KSR2: variants seen among roughly 807,000 people sequenced by gnomAD.
The protein encoded by KSR2 is kinase suppressor of ras 2.
KSR2 carries 25 observed loss-of-function variants against 107.8 expected under a neutral mutation model. The observed-to-expected ratio is 0.23, with a 90% CI of 0.17 to 0.32. The LOEUF is 0.32. Among genes scored for constraint, KSR2 ranks in the 10% least tolerant of loss-of-function variants. The pLI, the probability that KSR2 is intolerant of heterozygous loss-of-function variation, is 1.00. For synonymous variants in KSR2, 480 were observed against 507.0 expected, an observed-to-expected ratio of 0.95 and a Z score of 0.71; for missense variants, 887 against 1,268.9, an observed-to-expected ratio of 0.70 and a Z score of 4.57.
chr12:117,959,965 A>C (rs1157894595), intron 1 of KSR2, among the ~76,000 whole-genome samples: 1 of 151,078 alleles, frequency 6.6e-6, no homozygotes, highest in African/African-American at 2.4e-5. Context: ...CAAGTACCTT[A>C]GCGTCTTAGC....
intron 1 of KSR2, among the ~76,000 whole-genome samples, chr12:117,872,872 C>T (rs934418183): frequency 2.6e-5 from 4 of 152,176 alleles, no homozygotes; most frequent in African/African-American, 9.7e-5. Flanking sequence ...GTACAATAGG[C>T]TCATTTTCCA....
chr12:117,607,967 G>C (rs2136309252), intron 5 of KSR2, among the ~76,000 whole-genome samples: 1 of 152,326 alleles, frequency 6.6e-6, no homozygotes, highest in South Asian at 2.1e-4. Flanking sequence ...CAGCACTGCA[G>C]CCCGGCCAAC....
intron 5 of KSR2, among the ~76,000 whole-genome samples, chr12:117,660,675 C>T (rs113573638): frequency 1.1e-4 from 17 of 152,212 alleles, no homozygotes; most frequent in East Asian, 3.9e-4. Flanking sequence ...ATGACAAGGC[C>T]GAATCTACCT....
intron 1 of KSR2, among the ~76,000 whole-genome samples, chr12:117,916,357 G>A (rs982515882): frequency 3.3e-5 from 5 of 151,714 alleles, no homozygotes; most frequent in African/African-American, 9.7e-5. Flanking sequence ...GGCTGGTCTC[G>A]AACTCCCAAC....
chr12:117,755,559 C>G (rs745399876), intron 4 of KSR2, among the ~76,000 whole-genome samples: 24 of 152,190 alleles, frequency 1.6e-4, no homozygotes, highest in Admixed American at 7.9e-4. Flanking sequence ...GACTGCTCCA[C>G]TAACAGGCTA....
chr12:117,681,533 G>A (rs548425919), intron 4 of KSR2, among the ~76,000 whole-genome samples: 2 of 152,304 alleles, frequency 1.3e-5, no homozygotes, highest in East Asian at 1.9e-4. Context: ...GAGGGGCAGA[G>A]GTGAAGTCGG....
chr12:117,488,256 C>G (rs547497063), intron 14 of KSR2, among the ~76,000 whole-genome samples: 2 of 152,250 alleles, frequency 1.3e-5, no homozygotes, highest in East Asian at 3.9e-4. Flanking sequence ...TTATTAGCAG[C>G]GTGAAAACGG....
At chr12:117,591,454 C>T (rs527998953) in intron 5 of KSR2, among the ~76,000 whole-genome samples, 2 of 152,096 alleles carry the variant, frequency 1.3e-5, no homozygotes, top group South Asian at 4.2e-4. Context: ...CTCTAAGTTA[C>T]AATTGGAGGC....
At chr12:117,908,897 T>C (rs1429331190) in intron 1 of KSR2, among the ~76,000 whole-genome samples, 1 of 152,218 alleles carries the variant, frequency 6.6e-6, no homozygotes, top group African/African-American at 2.4e-5. Flanking sequence ...ATTTAATTTA[T>C]TCTGTATCAC....
intron 3 of KSR2, among the ~76,000 whole-genome samples, chr12:117,790,636 G>A (rs4767621): frequency 0.25 from 37,922 of 152,054 alleles, 5,373 homozygotes; most frequent in East Asian, 0.57. Flanking sequence ...GAAGTATGTC[G>A]CTTTTTAATC....
At chr12:117,539,939 A>T (rs1876359500) in intron 9 of KSR2, 52 bp from the exon 10 acceptor site, 1 of 1,514,566 alleles carries the variant, frequency 6.6e-7, no homozygotes, top group African/African-American at 1.4e-5. Flanking sequence ...AAGCAGAAAC[A>T]CAGCAGAAAG....
At chr12:117,667,953 T>C (rs1884738179) in intron 4 of KSR2, among the ~76,000 whole-genome samples, 1 of 152,162 alleles carries the variant, frequency 6.6e-6, no homozygotes, top group Non-Finnish European at 1.5e-5. Flanking sequence ...CAAGTTCAGC[T>C]TCCAACTCCA....
chr12:117,562,567 G>A (rs1019883728), intron 7 of KSR2, among the ~76,000 whole-genome samples: 1 of 152,160 alleles, frequency 6.6e-6, no homozygotes, highest in Non-Finnish European at 1.5e-5. Flanking sequence ...AAGAAGCCCT[G>A]TTGGTATCTC....
Position 117,897,571 on chromosome 12 carries a change from G to A in KSR2, c.181-37140C>T, listed in dbSNP as rs890748294. On this transcript the variant is annotated intron_variant, in intron 1 of 19. Transcript: ENST00000339824. This position sits in a 1 kb window ranked among gnomAD's most constrained non-coding sequence, Gnocchi z 4.5. ...CCCCATTAGCTGGCTGAACAGACAC[G>A]TCTTTGAGGTAACAATGGCCTTCTG... Among the ~76,000 whole-genome samples the A allele has an allele frequency of 5.3e-5, 8 of 152,096 alleles. No homozygotes were observed. The highest frequency in any genetic ancestry group is 1.0e-4 in the Non-Finnish European group (7 of 68,024).
chr12:117,470,771 T>C (rs990511792), intron 18 of KSR2, among the ~76,000 whole-genome samples: 4 of 152,246 alleles, frequency 2.6e-5, no homozygotes, highest in African/African-American at 9.6e-5. Flanking sequence ...TTAATATTAA[T>C]GTATACCCAG....
At chr12:117,964,052 C>A (rs1054372440) in intron 1 of KSR2, among the ~76,000 whole-genome samples, 1 of 152,132 alleles carries the variant, frequency 6.6e-6, no homozygotes, top group African/African-American at 2.4e-5. Context: ...CCGAGGCGGG[C>A]AGATCATCTG....
rs1555262352 is a variant in KSR2 at position 117,968,309 on chromosome 12, G to GGT, written c.-55_-54insAC. ...TCCTCCTCCCAGAGAGAAAAAAGAG[G>GGT]GGGGGGAGTAGAGGTAGTCTACCCT... On this transcript the variant is annotated 5_prime_UTR_variant, in exon 1 of 20. Transcript: ENST00000339824. The GGT allele has an allele frequency of 2.8e-5, 41 of 1,456,086 alleles. 5 individuals carry two copies. Among genetic ancestry groups the GGT allele is most frequent in the African/African-American group, 8.7e-5 (6 of 69,286 alleles). 90.2% of individuals were successfully genotyped at this position (1,456,086 alleles called of 1,614,324 possible). A position where few individuals can be genotyped will look rare whatever the true frequency, so the allele number is the denominator to read the frequency against.
At chr12:117,903,474 T>C (rs1345903771) in intron 1 of KSR2, among the ~76,000 whole-genome samples, 16 of 152,246 alleles carry the variant, frequency 1.1e-4, no homozygotes, top group Non-Finnish European at 2.4e-4. Context: ...GGGATATACT[T>C]ATGTTTTATT....
intron 4 of KSR2, among the ~76,000 whole-genome samples, chr12:117,687,552 G>T (rs145761503): frequency 3.9e-5 from 6 of 152,280 alleles, no homozygotes; most frequent in Non-Finnish European, 8.8e-5. Context: ...GTTCATCTAT[G>T]TAATTATTCC....
Sources: allele counts gnomAD v4.1 joint callset (sites outside exome capture counted in the v4.1 genomes callset), GRCh38; gene constraint gnomAD v4.1.1; non-coding constraint Gnocchi (gnomAD v3.1); transcripts MANE v1.5; gene names NCBI Gene and HGNC (gene_info 2026-07-23, HGNC 2026-07-21).